The following PLEKHH2 variants were observed in gnomAD, a reference collection of about 807,000 sequenced individuals.
PLEKHH2 encodes the protein pleckstrin homology domain-containing family H member 2.
PLEKHH2 carries 129 observed loss-of-function variants against 187.9 expected under a neutral mutation model. The ratio of observed to expected loss-of-function variants is 0.69; its 90% CI spans 0.59 to 0.79. PLEKHH2 has a LOEUF of 0.79. Among genes scored for constraint, PLEKHH2 ranks in the 30% least tolerant of loss-of-function variants. The pLI, the probability that PLEKHH2 is intolerant of heterozygous loss-of-function variation, is 0.00. For missense variants in PLEKHH2, 2,076 were observed against 1,751.2 expected, an observed-to-expected ratio of 1.19 and a Z score of -3.31; for synonymous variants, 686 against 605.6, an observed-to-expected ratio of 1.13 and a Z score of -1.95.
intron 1 of PLEKHH2, among the ~76,000 whole-genome samples, chr2:43,639,483 C>A (rs1703267758): frequency 6.6e-6 from 1 of 152,112 alleles, no homozygotes; most frequent in Non-Finnish European, 1.5e-5. Context: ...TTTGGATTTG[C>A]CTCTTATGGA....
rs35254898 is a variant in PLEKHH2 at position 43,644,661 on chromosome 2, AT to A, written c.-3-3del. On this transcript the variant is annotated splice_polypyrimidine_tract_variant and intron_variant, in intron 1 of 29. Coordinates refer to ENST00000282406, the MANE Select transcript of PLEKHH2 (RefSeq NM_172069.4). ...TTTTAATTTTTTGTTTATTTATTTA[AT>A]TTTTTTAGAATATGGCAGAGCTTTC... The A allele has an allele frequency of 3.1e-4, 470 of 1,512,102 alleles. 1 individual carries two copies. In the East Asian group the frequency reaches 3.4e-3, roughly 11 times the overall value. The allele number at this position is 1,512,102 out of a possible 1,614,324, so 93.7% of individuals were successfully genotyped here.
At chr2:43,678,775 T>TGGAGGTGG in intron 2 of PLEKHH2, 88 bp from the exon 3 acceptor site, 4 of 993,126 alleles carry the variant, frequency 4.0e-6, no homozygotes, top group Admixed American at 1.9e-5. Context: ...GAGGTGGAGG[T>TGGAGGTGG]AGAATTATGA....
At chr2:43,694,287 T>C in intron 4 of PLEKHH2, 144 bp from the exon 5 acceptor site, 1 of 972,434 alleles carries the variant, frequency 1.0e-6, no homozygotes, top group South Asian at 1.9e-5. Context: ...ATTTTTTCTT[T>C]TAAAAACCTA....
chr2:43,666,551 C>G (rs1483072799), intron 2 of PLEKHH2, among the ~76,000 whole-genome samples: 1 of 152,332 alleles, frequency 6.6e-6, no homozygotes, highest in African/African-American at 2.4e-5. Context: ...GGAGACTGTA[C>G]CATTTTGCAT....
intron 14 of PLEKHH2, chr2:43,711,026 G>A: frequency 1.0e-6 from 1 of 994,336 alleles, no homozygotes; most frequent in Non-Finnish European, 1.2e-6. Context: ...AAATATATTG[G>A]TGAGCAGAGG....
chr2:43,694,284 C>T, intron 4 of PLEKHH2, 147 bp from the exon 5 acceptor site: 2 of 904,514 alleles, frequency 2.2e-6, no homozygotes, highest in Non-Finnish European at 1.5e-6. Flanking sequence ...ATAATTTTTT[C>T]TTTTAAAAAC....
In PLEKHH2 at chr2:43,747,606, A is replaced by C. The variant is rs938002367; in HGVS notation, c.3653+1643A>C. Among the ~76,000 whole-genome samples the C allele has an allele frequency of 3.9e-5, 6 of 152,318 alleles. No individual in the cohort carries two copies. The South Asian group carries it at 8.3e-4, about 21-fold the overall frequency. On this transcript the variant is annotated intron_variant, in intron 24 of 29. Coordinates refer to ENST00000282406, the MANE Select transcript of PLEKHH2 (RefSeq NM_172069.4). ...CCAGATTTCCTTTCTTTCTTTTTAAATATTTTCATTTCTTTCATGTATTAG... is the reference window on the plus strand; with the variant it reads ...CCAGATTTCCTTTCTTTCTTTTTAACTATTTTCATTTCTTTCATGTATTAG...
chr2:43,723,924 G>T (rs760042150), intron 16 of PLEKHH2, among the ~76,000 whole-genome samples: 6 of 152,206 alleles, frequency 3.9e-5, no homozygotes, highest in Non-Finnish European at 7.3e-5. Context: ...AGAGGGGATT[G>T]TGGTTTAGTG....
intron 2 of PLEKHH2, among the ~76,000 whole-genome samples, chr2:43,656,685 T>C (rs1322430933): frequency 6.6e-6 from 1 of 152,212 alleles, no homozygotes; most frequent in Non-Finnish European, 1.5e-5. Flanking sequence ...AAACATCGTG[T>C]TGTGCACAAC....
chr2:43,731,367 G>T, intron 18 of PLEKHH2, 123 bp from the exon 19 acceptor site: 2 of 640,488 alleles, frequency 3.1e-6, no homozygotes, highest in South Asian at 4.4e-5. Flanking sequence ...GTTTTTTTCT[G>T]ACCTTTGTGA....
At chr2:43,683,092 G>A (rs1313764459) in intron 3 of PLEKHH2, among the ~76,000 whole-genome samples, 2 of 148,586 alleles carry the variant, frequency 1.3e-5, no homozygotes, top group East Asian at 2.0e-4. Context: ...TGTTAAGAAC[G>A]TACATATATT....
chr2:43,685,970 A>C (rs371379113), intron 3 of PLEKHH2, among the ~76,000 whole-genome samples: 1 of 152,280 alleles, frequency 6.6e-6, no homozygotes, highest in Admixed American at 6.5e-5. Flanking sequence ...CTATAAAAGT[A>C]TGTGTCTTTT....
intron 19 of PLEKHH2, among the ~76,000 whole-genome samples, chr2:43,734,173 G>T (rs550613606): frequency 1.3e-5 from 2 of 152,182 alleles, no homozygotes; most frequent in East Asian, 1.9e-4. Flanking sequence ...TCATCTTTCA[G>T]ATCTACAGTC....
At position 43,695,216 on chromosome 2, in the gene PLEKHH2, A is replaced by C. The variant is rs747200102; in HGVS notation, c.494A>C (p.Lys165Thr). 4 of 1,576,214 alleles carry C rather than the reference A, an allele frequency of 2.5e-6. No individual in the cohort carries two copies. The Admixed American group carries it at 5.1e-5, about 20-fold the overall frequency. Reference protein sequence around the residue: ...QTEEIRTMQSKLQEVQGKKSS... With the variant: ...QTEEIRTMQSTLQEVQGKKSS... Reference sequence around the variant, plus strand: ...GAAGAGATAAGAACAATGCAGTCAAAACTACAAGGTACAAATACTTTACTA... The same window carrying C: ...GAAGAGATAAGAACAATGCAGTCAACACTACAAGGTACAAATACTTTACTA... Residue 165 changes from lysine (K) to threonine (T), a missense_variant, in exon 6 of 30, where the codon AAA (lysine) becomes ACA (threonine). Lys to Thr is a moderately conservative substitution (Grantham distance 78, BLOSUM62 -1). Transcript: ENST00000282406.
At chr2:43,675,433 C>A in intron 2 of PLEKHH2, 1 of 1,609,756 alleles carries the variant, frequency 6.2e-7, no homozygotes, top group Non-Finnish European at 8.5e-7. Context: ...GAAATAGTGT[C>A]CAAATGCCCT....
chr2:43,733,431 A>C (rs2104576878), intron 19 of PLEKHH2, among the ~76,000 whole-genome samples: 1 of 151,682 alleles, frequency 6.6e-6, no homozygotes, highest in South Asian at 2.1e-4. Flanking sequence ...CTCCAGCCTC[A>C]GATAACGGTG....
chr2:43,730,054 C>T (rs2104569035), intron 18 of PLEKHH2, among the ~76,000 whole-genome samples: 1 of 152,218 alleles, frequency 6.6e-6, no homozygotes, highest in East Asian at 1.9e-4. Flanking sequence ...TTAGGAGATC[C>T]CCCAGCCAGC....
At chr2:43,696,220 C>A (rs1399994707) in intron 6 of PLEKHH2, among the ~76,000 whole-genome samples, 1 of 152,104 alleles carries the variant, frequency 6.6e-6, no homozygotes, top group African/African-American at 2.4e-5. Context: ...CTCCTGTAAT[C>A]CCAGCATTTT....
Position 43,676,933 on chromosome 2 carries a change from A to C in PLEKHH2, c.124-1930A>C, listed in dbSNP as rs72870476. On this transcript the variant is annotated intron_variant, in intron 2 of 29. Coordinates refer to ENST00000282406, the MANE Select transcript of PLEKHH2 (RefSeq NM_172069.4). Reference sequence around the variant, plus strand: ...TTATGACTTTTTGATCAAGCGGTCAAATAGGACATTTGAAGCCTTTCTTTC... The same window carrying C: ...TTATGACTTTTTGATCAAGCGGTCACATAGGACATTTGAAGCCTTTCTTTC... Among the ~76,000 whole-genome samples, 133 of 152,300 alleles carry C rather than the reference A, an allele frequency of 8.7e-4. 1 individual carries two copies. Among genetic ancestry groups the C allele is most frequent in the African/African-American group, 3.1e-3 (130 of 41,562 alleles).
Sources: allele counts gnomAD v4.1 joint callset (sites outside exome capture counted in the v4.1 genomes callset), GRCh38; gene constraint gnomAD v4.1.1; transcripts MANE v1.5; gene names NCBI Gene and HGNC (gene_info 2026-07-23, HGNC 2026-07-21).